The following ALPK2 variants were observed in gnomAD, a reference collection of about 807,000 sequenced individuals.
The protein encoded by ALPK2 is alpha-protein kinase 2.
In ALPK2, 127 loss-of-function variants were observed where a neutral mutation model predicts 163.1. That is an observed-to-expected ratio of 0.78 (90% confidence interval 0.67 to 0.90). ALPK2 has a LOEUF of 0.90. Among genes scored for constraint, ALPK2 ranks in the 40% least tolerant of loss-of-function variants. The pLI is 0.00. For synonymous variants in ALPK2, 953 were observed against 959.1 expected (o/e 0.99, Z 0.12); for missense variants, 2,360 against 2,589.6 (o/e 0.91, Z 1.92).
intron 4 of ALPK2, among the ~76,000 whole-genome samples, chr18:58,568,806 A>C (rs1602222536): frequency 6.6e-6 from 1 of 152,332 alleles, no homozygotes; most frequent in Non-Finnish European, 1.5e-5. Context: ...GATGTATATA[A>C]GTTATTTGCA....
At chr18:58,530,978 G>A (rs1393705803) in intron 5 of ALPK2, among the ~76,000 whole-genome samples, 1 of 152,004 alleles carries the variant, frequency 6.6e-6, no homozygotes, top group Admixed American at 6.6e-5. Flanking sequence ...AGGCAGGAGG[G>A]TCACCTGAGG....
At chr18:58,562,826 GTT>G (rs1186684322) in intron 4 of ALPK2, among the ~76,000 whole-genome samples, 1 of 152,212 alleles carries the variant, frequency 6.6e-6, no homozygotes, top group African/African-American at 2.4e-5. Flanking sequence ...CTGCCTTCTC[GTT>G]GTGTCCTCAG....
intron 4 of ALPK2, among the ~76,000 whole-genome samples, chr18:58,540,071 A>G (rs531201447): frequency 1.3e-5 from 2 of 152,350 alleles, no homozygotes; most frequent in South Asian, 4.1e-4. Flanking sequence ...GGAGTGTTTT[A>G]GATAATGGGG....
chr18:58,608,901 G>C (rs2052112658), intron 2 of ALPK2, among the ~76,000 whole-genome samples: 2 of 150,138 alleles, frequency 1.3e-5, no homozygotes. Context: ...GCAGTGAGCT[G>C]TAATCATGAT....
chr18:58,559,139 A>G (rs879408943), intron 4 of ALPK2, among the ~76,000 whole-genome samples: 5 of 152,224 alleles, frequency 3.3e-5, no homozygotes, highest in Admixed American at 3.3e-4. Flanking sequence ...ATGGTATATA[A>G]TCTAGCCAAA....
At chr18:58,584,097 CAGAT>C (rs1483135248) in intron 3 of ALPK2, among the ~76,000 whole-genome samples, 1 of 147,802 alleles carries the variant, frequency 6.8e-6, no homozygotes, top group Non-Finnish European at 1.5e-5. Flanking sequence ...ACTAAATAAA[CAGAT>C]GGGAGATTGT....
At chr18:58,596,114 C>CT (rs1232069057) in intron 3 of ALPK2, among the ~76,000 whole-genome samples, 1 of 152,186 alleles carries the variant, frequency 6.6e-6, no homozygotes. Context: ...GGTTTTCCTT[C>CT]TTAAAAAATG....
intron 12 of ALPK2, among the ~76,000 whole-genome samples, chr18:58,482,493 A>G (rs780994917): frequency 2.4e-4 from 36 of 152,190 alleles, no homozygotes; most frequent in Non-Finnish European, 4.8e-4. Context: ...TTTACAGTTG[A>G]AGAAATTCAG....
At chr18:58,608,732 A>G (rs955118469) in intron 2 of ALPK2, among the ~76,000 whole-genome samples, 4 of 152,130 alleles carry the variant, frequency 2.6e-5, no homozygotes, top group African/African-American at 9.7e-5. Flanking sequence ...GGGGTGAATC[A>G]CTTGAGTCTA....
intron 1 of ALPK2, among the ~76,000 whole-genome samples, chr18:58,626,323 G>A (rs376468663): frequency 1.3e-5 from 2 of 152,060 alleles, no homozygotes; most frequent in African/African-American, 2.4e-5. Flanking sequence ...CACTGACCCC[G>A]CGCAATTCTA....
intron 12 of ALPK2, among the ~76,000 whole-genome samples, chr18:58,493,414 C>A (rs1224329667): frequency 6.6e-6 from 1 of 152,160 alleles, no homozygotes; most frequent in Non-Finnish European, 1.5e-5. Flanking sequence ...TTTCTTCCCA[C>A]CTCCAAGTTT....
chr18:58,575,080 G>T (rs889029121), intron 4 of ALPK2, among the ~76,000 whole-genome samples: 1 of 152,022 alleles, frequency 6.6e-6, no homozygotes, highest in Non-Finnish European at 1.5e-5. Context: ...AGGCATGGTG[G>T]CCCATGTCTG....
At chr18:58,619,603 A>G (rs539979899) in intron 1 of ALPK2, among the ~76,000 whole-genome samples, 7 of 152,358 alleles carry the variant, frequency 4.6e-5, no homozygotes, top group African/African-American at 1.7e-4. Context: ...GTGTTTAGGA[A>G]TAACTCCAAA....
intron 3 of ALPK2, among the ~76,000 whole-genome samples, chr18:58,593,563 CAAAAAAAAAAAA>C (rs34460316): frequency 1.2e-4 from 6 of 50,642 alleles, no homozygotes; most frequent in Non-Finnish European, 2.1e-4. Context: ...GACTCTGTCT[CAAAAAAAAAAAA>C]AAAAAAAAAA....
intron 1 of ALPK2, among the ~76,000 whole-genome samples, chr18:58,613,617 G>A (rs543232894): frequency 6.6e-6 from 1 of 151,220 alleles, no homozygotes; most frequent in East Asian, 1.9e-4. Context: ...TGCTTGAACC[G>A]GGACCTGGGA....
chr18:58,592,815 C>T lies in ALPK2; in HGVS notation c.228-12267G>A, dbSNP rs77853862. Among the ~76,000 whole-genome samples the T allele has an allele frequency of 5.1e-3, 772 of 152,344 alleles. 7 individuals carry two copies. Among genetic ancestry groups the T allele is most frequent in the African/African-American group, 0.018 (748 of 41,576 alleles). ...GGTTCACATGCCGGCCCATCTGCTCCGCAGCGTTGGAGAAGCCACTTGACA... is the reference window on the plus strand; with the variant it reads ...GGTTCACATGCCGGCCCATCTGCTCTGCAGCGTTGGAGAAGCCACTTGACA... On this transcript the variant is annotated intron_variant, in intron 3 of 12. Coordinates refer to ENST00000361673, the MANE Select transcript of ALPK2 (RefSeq NM_052947.4).
intron 4 of ALPK2, among the ~76,000 whole-genome samples, chr18:58,550,462 C>T (rs2051747854): frequency 2.0e-5 from 3 of 151,258 alleles, no homozygotes; most frequent in Non-Finnish European, 2.9e-5. Context: ...ACAACCCCAT[C>T]CCCATCTCCA....
intron 11 of ALPK2, among the ~76,000 whole-genome samples, chr18:58,499,070 T>C (rs544179726): frequency 2.6e-5 from 4 of 152,312 alleles, no homozygotes; most frequent in African/African-American, 9.6e-5. Context: ...GAGTTCTATG[T>C]AGACACTGAA....
intron 1 of ALPK2, among the ~76,000 whole-genome samples, chr18:58,615,726 C>T (rs76392387): frequency 0.027 from 4,076 of 152,266 alleles, 70 homozygotes; most frequent in East Asian, 0.073. Flanking sequence ...CATGACCTTC[C>T]ATTCTCATTC....
Sources: allele counts gnomAD v4.1 joint callset (sites outside exome capture counted in the v4.1 genomes callset), GRCh38; gene constraint gnomAD v4.1.1; transcripts MANE v1.5; gene names NCBI Gene and HGNC (gene_info 2026-07-23, HGNC 2026-07-21).